ALOX12B: variants seen among roughly 807,000 people sequenced by gnomAD.
ALOX12B encodes arachidonate 12-lipoxygenase, 12R type.
ALOX12B carries 47 observed loss-of-function variants against 78.9 expected under a neutral mutation model. The observed-to-expected ratio is 0.60, with a 90% CI of 0.47 to 0.76. The LOEUF is 0.76. ALOX12B is among the 30% of genes least tolerant of loss of function. The pLI is 0.00. For missense variants in ALOX12B, 805 were observed against 922.6 expected (o/e 0.87, Z 1.65); for synonymous variants, 370 against 374.5 (o/e 0.99, Z 0.14).
At chr17:8,085,488 C>A (rs1487233972) in intron 2 of ALOX12B, among the ~76,000 whole-genome samples, 1 of 152,174 alleles carries the variant, frequency 6.6e-6, no homozygotes, top group Non-Finnish European at 1.5e-5. Flanking sequence ...AAGACCGCAG[C>A]ACCACGGAGA....
Position 8,076,340 on chromosome 17 carries a change from A to G in ALOX12B, c.1367T>C (p.Met456Thr). The G allele has an allele frequency of 6.2e-7, 1 of 1,600,540 alleles. No individual in the cohort carries two copies. Among genetic ancestry groups the G allele is most frequent in the Non-Finnish European group, 8.5e-7 (1 of 1,173,262 alleles). Residue 456 changes from methionine (M) to threonine (T), a missense_variant, in exon 11 of 15, where the codon ATG (methionine) becomes ACG (threonine). Coordinates refer to ENST00000647874, the MANE Select transcript of ALOX12B (RefSeq NM_001139.3). ...LNEGGLSAKG[M>T]SLGVEGFAGV... ...AGCAAAGCCTTCCACGCCCAGGGAC[A>G]TGCCCTGTGAGGAAGGAGGCAGATC... is the stretch of plus-strand genomic sequence containing the variant.
Position 8,079,391 on chromosome 17 carries a change from G to C in ALOX12B, c.1071+5C>G. 6.4e-7 allele frequency: 1 copy of C among 1,553,040 alleles called. No homozygotes were observed. Among genetic ancestry groups the C allele is most frequent in the Non-Finnish European group, 8.7e-7 (1 of 1,148,416 alleles). ...CAGCGGCAGCGCCGCCTGCAGCCCA[G>C]GCACCTGGATGGCGATGGGCATCAT... On this transcript the variant is annotated splice_donor_5th_base_variant and intron_variant, in intron 8 of 14. Coordinates refer to ENST00000647874, the MANE Select transcript of ALOX12B (RefSeq NM_001139.3). This position sits in a 1 kb window ranked among gnomAD's most constrained non-coding sequence, Gnocchi z 6.4.
intron 8 of ALOX12B, among the ~76,000 whole-genome samples, chr17:8,077,679 G>T (rs1240075184): frequency 6.6e-6 from 1 of 152,224 alleles, no homozygotes; most frequent in Non-Finnish European, 1.5e-5. Flanking sequence ...CGCTTGGGGG[G>T]ACCTCTGGGA....
intron 8 of ALOX12B, 87 bp from the exon 9 acceptor site, chr17:8,077,280 T>A: frequency 7.4e-7 from 1 of 1,358,378 alleles, no homozygotes; most frequent in South Asian, 1.3e-5. Flanking sequence ...CAGAAGGGAG[T>A]ATGAGAAGGT....
Position 8,086,240 on chromosome 17 carries a change from G to C in ALOX12B, c.148-20C>G. 1 of 1,611,818 alleles carries C rather than the reference G, an allele frequency of 6.2e-7. No homozygotes were observed. The highest frequency in any genetic ancestry group is 8.5e-7 in the Non-Finnish European group (1 of 1,179,094). Reference sequence around the variant, plus strand: ...GCCCACCTAGGCAGGATGCAAGCCTGGCTGAGTGGGCAGGACTTCACCCCG... The same window carrying C: ...GCCCACCTAGGCAGGATGCAAGCCTCGCTGAGTGGGCAGGACTTCACCCCG... On this transcript the variant is annotated intron_variant, in intron 1 of 14. Transcript: ENST00000647874.
chr17:8,075,758 C>T (rs1364990718), intron 11 of ALOX12B, 42 bp from the exon 12 acceptor site: 1 of 1,614,046 alleles, frequency 6.2e-7, no homozygotes, highest in Admixed American at 1.7e-5. Context: ...CTCCTCCCCT[C>T]CCACTCCTCA....
chr17:8,079,911 G>T lies in ALOX12B; in HGVS notation c.785C>A (p.Thr262Asn). The part of the protein sequence containing the change: ...EYVAEHWAED[T>N]FFGYQYLNGV... ...GTTGAGGTACTGGTACCCAAAGAAG[G>T]TGTCCTCTGCCCAGTGCTCGGCCAC... is the stretch of plus-strand genomic sequence containing the variant. Residue 262 changes from threonine (T) to asparagine (N), a missense_variant, in exon 7 of 15, where the codon ACC (threonine) becomes AAC (asparagine). Transcript: ENST00000647874. The surrounding 1 kb of genome is among the most constrained non-coding windows in gnomAD (Gnocchi z 6.4). 6.2e-7 allele frequency: 1 copy of T among 1,613,098 alleles called. No individual in the cohort carries two copies. The highest frequency in any genetic ancestry group is 8.5e-7 in the Non-Finnish European group (1 of 1,179,770).
At position 8,072,652 on chromosome 17, in the gene ALOX12B, G is replaced by T. The variant is rs770670412; in HGVS notation, c.*119C>A. The T allele has an allele frequency of 1.3e-4, 194 of 1,438,278 alleles. No homozygotes were observed. Among genetic ancestry groups the T allele is most frequent in the Non-Finnish European group, 1.7e-4 (177 of 1,033,902 alleles). 89.1% of individuals were successfully genotyped at this position (1,438,278 alleles called of 1,614,324 possible). A position where few individuals can be genotyped will look rare whatever the true frequency, so the allele number is the denominator to read the frequency against. ...AGACCCAGGGAAAGGAAGGTTTTTT[G>T]TTTTTTTGTTTGTTTGGTGTTTTGG... On this transcript the variant is annotated 3_prime_UTR_variant, in exon 15 of 15. Coordinates refer to ENST00000647874, the MANE Select transcript of ALOX12B (RefSeq NM_001139.3).
chr17:8,080,158 C>G lies in ALOX12B; in HGVS notation c.754+77G>C, dbSNP rs1977181151. 1 of 1,551,292 alleles carries G rather than the reference C, an allele frequency of 6.4e-7. No homozygotes were observed. The highest frequency in any genetic ancestry group is 1.4e-5 in the African/African-American group (1 of 73,706). On this transcript the variant is annotated intron_variant, in intron 6 of 14. Transcript: ENST00000647874. The surrounding 1 kb of genome is among the most constrained non-coding windows in gnomAD (Gnocchi z 4.8). ...TCGCTGCCTCTCCCGTCCCACTGCCCCGAAGTCGGGGGCCTGCCTAGCACG... is the reference window on the plus strand; with the variant it reads ...TCGCTGCCTCTCCCGTCCCACTGCCGCGAAGTCGGGGGCCTGCCTAGCACG...
At chr17:8,085,738 G>C (rs1598184156) in intron 2 of ALOX12B, among the ~76,000 whole-genome samples, 1 of 152,196 alleles carries the variant, frequency 6.6e-6, no homozygotes, top group East Asian at 1.9e-4. Context: ...AGGTAGCGGG[G>C]AGCGCACTCT....
intron 12 of ALOX12B, among the ~76,000 whole-genome samples, chr17:8,075,058 A>T (rs1977052857): frequency 6.6e-6 from 1 of 152,074 alleles, no homozygotes; most frequent in South Asian, 2.1e-4. Flanking sequence ...TACTTTAGGG[A>T]AGTACCTGCC....
In ALOX12B at chr17:8,087,448, C is replaced by T. The variant is rs1275176471; in HGVS notation, c.-6G>A. The stretch of plus-strand genomic sequence containing the variant: ...CTGACTTTGTAGGTGGCCATGGCTG[C>T]TCTTCAGGAGGCAAGAGGGGCACTC... On this transcript the variant is annotated 5_prime_UTR_variant, in exon 1 of 15. Transcript: ENST00000647874. The T allele has an allele frequency of 1.3e-5, 21 of 1,614,054 alleles. No homozygotes were observed. The highest frequency in any genetic ancestry group is 1.7e-5 in the Non-Finnish European group (20 of 1,180,044).
intron 8 of ALOX12B, 116 bp from the exon 9 acceptor site, chr17:8,077,309 C>G: frequency 9.5e-7 from 1 of 1,053,224 alleles, no homozygotes; most frequent in East Asian, 2.6e-5. Context: ...TCCTAAGCTC[C>G]GGTCCCACTG....
chr17:8,082,042 C>T (rs1269915388), intron 2 of ALOX12B, among the ~76,000 whole-genome samples: 1 of 152,182 alleles, frequency 6.6e-6, no homozygotes, highest in Non-Finnish European at 1.5e-5. Context: ...CTTCTAGTTC[C>T]ATCCATGTTG....
rs1430961639 is a variant in ALOX12B, at chr17:8,076,642, G to A, written c.1362+15C>T. 1 of 1,549,758 alleles carries A rather than the reference G, an allele frequency of 6.5e-7. No individual in the cohort carries two copies. The highest frequency in any genetic ancestry group is 2.4e-5 in the East Asian group (1 of 40,910). On this transcript the variant is annotated intron_variant, in intron 10 of 14. Coordinates refer to ENST00000647874, the MANE Select transcript of ALOX12B (RefSeq NM_001139.3). ...AAAACAAATGTCTCGTTGGGGTTGGGGGCAGAAGTCTTACCTTGGCAGAGA... is the reference window on the plus strand; with the variant it reads ...AAAACAAATGTCTCGTTGGGGTTGGAGGCAGAAGTCTTACCTTGGCAGAGA...
rs1977164072 is a variant in ALOX12B, at chr17:8,079,645, G to A, written c.928-106C>T. The A allele has an allele frequency of 2.0e-6, 3 of 1,532,384 alleles. No homozygotes were observed. The highest frequency in any genetic ancestry group is 2.0e-5 in the Admixed American group (1 of 50,514). 94.9% of individuals were successfully genotyped at this position (1,532,384 alleles called of 1,614,324 possible). A position where few individuals can be genotyped will look rare whatever the true frequency, so the allele number is the denominator to read the frequency against. On this transcript the variant is annotated intron_variant, in intron 7 of 14. Transcript: ENST00000647874. This position sits in a 1 kb window ranked among gnomAD's most constrained non-coding sequence, Gnocchi z 6.4. ...GGCGACTAGGGGCAGGGGTGGGACG[G>A]GGACAGGGACGCGGGGTGCGGGCTT... is the stretch of plus-strand genomic sequence containing the variant.
intron 2 of ALOX12B, among the ~76,000 whole-genome samples, chr17:8,083,751 C>CA (rs35241692): frequency 0.5 from 74,585 of 150,082 alleles, 18,583 homozygotes; most frequent in Admixed American, 0.54. Context: ...AAAAACAAAA[C>CA]AAAAAAAAAC....
Position 8,079,425 on chromosome 17 carries a change from C to T in ALOX12B, c.1042G>A (p.Glu348Lys), listed in dbSNP as rs764382022. 4 of 1,551,538 alleles carry T rather than the reference C, an allele frequency of 2.6e-6. No homozygotes were observed. Among genetic ancestry groups the T allele is most frequent in the Non-Finnish European group, 3.5e-6 (4 of 1,147,370 alleles). Residue 348 changes from glutamate to lysine, a missense_variant, in exon 8 of 15, where the codon GAG becomes AAG. Glu to Lys is a moderately conservative substitution (Grantham distance 56). Coordinates refer to ENST00000647874, the MANE Select transcript of ALOX12B (RefSeq NM_001139.3). The surrounding 1 kb of genome is among the most constrained non-coding windows in gnomAD (Gnocchi z 6.4). Reference sequence around the variant, plus strand: ...ATGGCGATGGGCATCATCTTGCCCTCGGGTCCAAAGTGCAGCAGGCAGAGG... The same window carrying T: ...ATGGCGATGGGCATCATCTTGCCCTTGGGTCCAAAGTGCAGCAGGCAGAGG... Reference protein sequence around the residue: ...APLCLLHFGPEGKMMPIAIQL... With the variant: ...APLCLLHFGPKGKMMPIAIQL...
chr17:8,084,711 A>G (rs1393541096), intron 2 of ALOX12B, among the ~76,000 whole-genome samples: 2 of 152,226 alleles, frequency 1.3e-5, no homozygotes, highest in Non-Finnish European at 2.9e-5. Context: ...GCAATGAGAA[A>G]CGGAAGAGAG....
Sources: allele counts gnomAD v4.1 joint callset (sites outside exome capture counted in the v4.1 genomes callset), GRCh38; gene constraint gnomAD v4.1.1; non-coding constraint Gnocchi (gnomAD v3.1); transcripts MANE v1.5; gene names NCBI Gene and HGNC (gene_info 2026-07-23, HGNC 2026-07-21).